Variants in FAM110B observed in about 807,000 individuals in gnomAD.
FAM110B encodes family with sequence similarity 110 member B, also known as protein FAM110B.
Under a neutral mutation model 20.4 loss-of-function variants are expected in FAM110B, and 6 were observed. The ratio of observed to expected loss-of-function variants is 0.29; its 90% confidence interval spans 0.16 to 0.58. FAM110B has a LOEUF of 0.58. FAM110B is among the 20% of genes least tolerant of loss of function. The pLI is 0.90. For missense variants in FAM110B, 434 were observed against 498.2 expected (o/e 0.87, Z 1.23); for synonymous variants, 226 against 214.1 (o/e 1.06, Z -0.49).
chr8:58,064,151 A>C (rs1311173962), intron 2 of FAM110B, among the ~76,000 whole-genome samples: 1 of 151,918 alleles, frequency 6.6e-6, no homozygotes, highest in Non-Finnish European at 1.5e-5. Flanking sequence ...ATTCATGCGA[A>C]CTCCACCCCC....
intron 2 of FAM110B, among the ~76,000 whole-genome samples, chr8:58,035,313 C>T (rs891260100): frequency 6.6e-6 from 1 of 152,014 alleles, no homozygotes. Flanking sequence ...AACATTTGAC[C>T]CTGTCATCTC....
chr8:58,067,853 G>T (rs990495164), intron 2 of FAM110B, among the ~76,000 whole-genome samples: 2 of 152,194 alleles, frequency 1.3e-5, no homozygotes, highest in Non-Finnish European at 2.9e-5. Context: ...CATTCCAGAG[G>T]TTGTATACAT....
Position 58,032,841 on chromosome 8 carries a change from A to C in FAM110B, c.-414+1138A>C, listed in dbSNP as rs141731175. On this transcript the variant is annotated intron_variant, in intron 2 of 3. Transcript: ENST00000519262. The stretch of plus-strand genomic sequence containing the variant: ...GGGCAGGAGTGGTGAACTTCTCCCT[A>C]AGCTGAGAACTTCTGTGGTAAATCC... Among the ~76,000 whole-genome samples the C allele has an allele frequency of 1.2e-3, 180 of 152,276 alleles. 3 individuals are homozygous for C. The East Asian group carries it at 0.02, about 17-fold the overall frequency.
intron 2 of FAM110B, among the ~76,000 whole-genome samples, chr8:58,057,802 A>G (rs1805577690): frequency 6.6e-6 from 1 of 152,236 alleles, no homozygotes; most frequent in Non-Finnish European, 1.5e-5. Context: ...GCAAGGATTA[A>G]ATGATTAATG....
At chr8:58,140,687 C>T (rs1241072172) in intron 3 of FAM110B, among the ~76,000 whole-genome samples, 1 of 152,212 alleles carries the variant, frequency 6.6e-6, no homozygotes, top group Non-Finnish European at 1.5e-5. Flanking sequence ...TTCCGCTACA[C>T]CTAGTTGGCC....
chr8:58,125,658 A>T (rs955006398), intron 3 of FAM110B, among the ~76,000 whole-genome samples: 1 of 152,222 alleles, frequency 6.6e-6, no homozygotes, highest in African/African-American at 2.4e-5. Flanking sequence ...TTTTCTCAAT[A>T]TTAAAATATG....
intron 3 of FAM110B, among the ~76,000 whole-genome samples, chr8:58,130,736 C>T (rs1218592947): frequency 7.9e-6 from 1 of 126,130 alleles, no homozygotes; most frequent in Admixed American, 6.8e-5. Flanking sequence ...CTGTTTTCTC[C>T]TAGGATCTGA....
At chr8:58,013,339 T>G (rs762448411) in intron 1 of FAM110B, among the ~76,000 whole-genome samples, 3 of 152,154 alleles carry the variant, frequency 2.0e-5, no homozygotes, top group Non-Finnish European at 4.4e-5. Context: ...TGGCGGTCTT[T>G]GGGCACACAT....
chr8:58,147,132 C>G lies in FAM110B; in HGVS notation c.902C>G (p.Ser301Cys). Residue 301 changes from serine to cysteine, a missense_variant, in exon 4 of 4, where the codon TCT becomes TGT. Transcript: ENST00000519262. ...LGMENFARAN[S>C]DIISLNFRSA... The stretch of plus-strand genomic sequence containing the variant: ...ATGGAAAACTTTGCAAGGGCTAATT[C>G]TGACATAATATCCCTCAACTTCCGC... 1 of 1,614,202 alleles carries G rather than the reference C, an allele frequency of 6.2e-7. No individual in the cohort carries two copies. The highest frequency in any genetic ancestry group is 8.5e-7 in the Non-Finnish European group (1 of 1,180,052).
intron 2 of FAM110B, among the ~76,000 whole-genome samples, chr8:58,065,763 A>G (rs6988260): frequency 0.21 from 31,360 of 152,016 alleles, 4,059 homozygotes; most frequent in African/African-American, 0.36. Flanking sequence ...CCATTTCCGT[A>G]TCTGTAAGTG....
chr8:58,057,141 G>A (rs1805562697), intron 2 of FAM110B, among the ~76,000 whole-genome samples: 1 of 152,120 alleles, frequency 6.6e-6, no homozygotes, highest in Admixed American at 6.5e-5. Flanking sequence ...CACTCAGCTG[G>A]GCTCCCTGGT....
intron 2 of FAM110B, among the ~76,000 whole-genome samples, chr8:58,042,153 C>A (rs1805235699): frequency 6.6e-6 from 1 of 152,172 alleles, no homozygotes; most frequent in Non-Finnish European, 1.5e-5. Context: ...GGACTGAAAG[C>A]TCCTATTCCA....
intron 1 of FAM110B, among the ~76,000 whole-genome samples, chr8:58,008,509 A>G (rs1371795792): frequency 6.6e-6 from 1 of 152,240 alleles, no homozygotes; most frequent in Non-Finnish European, 1.5e-5. Context: ...GTATTTGGAC[A>G]CATGTATCTA....
At position 58,115,938 on chromosome 8, in the gene FAM110B, C is replaced by T. The variant is rs575796887; in HGVS notation, c.-324-29969C>T. 2.4e-4 allele frequency among the ~76,000 whole-genome samples: 37 copies of T among 152,286 alleles called. No individual in the cohort carries two copies. The South Asian group carries it at 6.0e-3, about 25-fold the overall frequency. On this transcript the variant is annotated intron_variant, in intron 3 of 3. Coordinates refer to ENST00000519262, the MANE Select transcript of FAM110B (RefSeq NM_001377989.1). ...GGCCCAGATTGGAATCCCAGCCCAA[C>T]CACTTGGAAGCACTTTGGACCCTGG...
At chr8:58,030,240 A>C (rs1804936780) in intron 1 of FAM110B, among the ~76,000 whole-genome samples, 1 of 152,206 alleles carries the variant, frequency 6.6e-6, no homozygotes, top group Non-Finnish European at 1.5e-5. Flanking sequence ...TCAGGTATTA[A>C]AGCAATAAAA....
At chr8:58,082,078 G>A (rs984080203) in intron 3 of FAM110B, among the ~76,000 whole-genome samples, 5 of 152,256 alleles carry the variant, frequency 3.3e-5, no homozygotes, top group East Asian at 1.9e-4. Flanking sequence ...AGGGAGCTGC[G>A]AGCACATGGG....
rs200280195 is a variant in FAM110B at position 58,012,496 on chromosome 8, C to CT, written c.-512+17696dup. On this transcript the variant is annotated intron_variant, in intron 1 of 3. Transcript: ENST00000519262. Reference sequence around the variant, plus strand: ...ATAGGTGAGAAAAAATATTTGTGTACTTTTTTCACATTCAAAATAAAAGGT... The same window carrying CT: ...ATAGGTGAGAAAAAATATTTGTGTACTTTTTTTCACATTCAAAATAAAAGGT... Among the ~76,000 whole-genome samples, 1,199 of 151,956 alleles carry CT rather than the reference C, an allele frequency of 7.9e-3. 15 individuals carry two copies. Among genetic ancestry groups the CT allele is most frequent in the African/African-American group, 0.027 (1,112 of 41,480 alleles).
intron 3 of FAM110B, among the ~76,000 whole-genome samples, chr8:58,090,391 G>A (rs1236444215): frequency 1.3e-5 from 2 of 152,192 alleles, no homozygotes; most frequent in Admixed American, 6.5e-5. Flanking sequence ...AAACTCCTAA[G>A]CTCAGGCAGT....
chr8:58,001,726 T>C (rs1250745068), intron 1 of FAM110B, among the ~76,000 whole-genome samples: 1 of 152,190 alleles, frequency 6.6e-6, no homozygotes, highest in Admixed American at 6.5e-5. Flanking sequence ...CAAATACCTT[T>C]ATACGTTTTG....
Sources: allele counts gnomAD v4.1 joint callset (sites outside exome capture counted in the v4.1 genomes callset), GRCh38; gene constraint gnomAD v4.1.1; transcripts MANE v1.5; gene names NCBI Gene and HGNC (gene_info 2026-07-23, HGNC 2026-07-21).